The following DLGAP4 variants were observed in gnomAD, a reference collection of about 807,000 sequenced individuals.
The protein encoded by DLGAP4 is disks large-associated protein 4.
DLGAP4 carries 18 observed loss-of-function variants against 86.9 expected under a neutral mutation model. That is an observed-to-expected ratio of 0.21 (90% CI 0.14 to 0.31). The LOEUF (loss-of-function observed/expected upper bound fraction) is 0.31, where lower values mean the gene tolerates loss of function less well. Among genes scored for constraint, DLGAP4 ranks in the 10% least tolerant of loss-of-function variants. DLGAP4 has a pLI of 1.00. For missense variants in DLGAP4, 1,085 were observed against 1,362.6 expected (o/e 0.80, Z 3.21); for synonymous variants, 548 against 574.3 (o/e 0.95, Z 0.65).
chr20:36,319,565 G>T (rs1373941080), intron 1 of DLGAP4, among the ~76,000 whole-genome samples: 2 of 152,192 alleles, frequency 1.3e-5, no homozygotes, highest in Non-Finnish European at 2.9e-5. Context: ...GGCCAAGGGT[G>T]AGCACTATGG....
At chr20:36,463,964 C>T (rs763837835) in intron 7 of DLGAP4, among the ~76,000 whole-genome samples, 2 of 152,222 alleles carry the variant, frequency 1.3e-5, no homozygotes, top group Admixed American at 6.5e-5. Flanking sequence ...GGGTCCTGTT[C>T]CATGGCACTG....
intron 1 of DLGAP4, among the ~76,000 whole-genome samples, 163 bp from the exon 2 acceptor site, chr20:36,366,882 C>T (rs1450249609): frequency 1.3e-5 from 2 of 152,158 alleles, no homozygotes; most frequent in Admixed American, 1.3e-4. Context: ...AGCCGGGATG[C>T]CAGGGTGCTC....
intron 10 of DLGAP4, among the ~76,000 whole-genome samples, chr20:36,506,607 C>T (rs954868195): frequency 7.9e-5 from 12 of 152,164 alleles, no homozygotes; most frequent in African/African-American, 2.9e-4. Flanking sequence ...CTTGTCTAAA[C>T]CTGAAGAACT....
At chr20:36,343,684 C>T (rs1489593245) in intron 1 of DLGAP4, among the ~76,000 whole-genome samples, 1 of 152,192 alleles carries the variant, frequency 6.6e-6, no homozygotes, top group African/African-American at 2.4e-5. Flanking sequence ...TGCATGCACA[C>T]ACTTCACTCA....
At chr20:36,426,946 G>A (rs2032989604) in intron 2 of DLGAP4, among the ~76,000 whole-genome samples, 1 of 152,032 alleles carries the variant, frequency 6.6e-6, no homozygotes, top group South Asian at 2.1e-4. Context: ...GGGAGGCTGA[G>A]GCAGGAGTAT....
At chr20:36,390,493 C>A (rs2031747709) in intron 2 of DLGAP4, among the ~76,000 whole-genome samples, 2 of 152,168 alleles carry the variant, frequency 1.3e-5, no homozygotes, top group African/African-American at 2.4e-5. Flanking sequence ...TAACCACCTA[C>A]TGCCTGCCAC....
chr20:36,399,105 A>T (rs966779654), intron 2 of DLGAP4, among the ~76,000 whole-genome samples: 14 of 152,304 alleles, frequency 9.2e-5, no homozygotes, highest in Non-Finnish European at 1.9e-4. Flanking sequence ...AGGCACAAGA[A>T]TTTCTTGAAC....
intron 5 of DLGAP4, 71 bp from the exon 6 acceptor site, chr20:36,442,656 A>G (rs1234798919): frequency 4.5e-6 from 7 of 1,559,468 alleles, no homozygotes; most frequent in Non-Finnish European, 5.3e-6. Flanking sequence ...TTTCCTTGCA[A>G]TTGACCCTGA....
chr20:36,470,433 C>T (rs893490510), intron 7 of DLGAP4, among the ~76,000 whole-genome samples: 10 of 152,206 alleles, frequency 6.6e-5, no homozygotes, highest in African/African-American at 2.4e-4. Flanking sequence ...CCTCCCCTCC[C>T]AACCCAGGGA....
In DLGAP4 at chr20:36,528,175, C is replaced by CCCCCCCCCCCG. The variant is rs1407051942; in HGVS notation, c.*1144_*1145insCCCCCCCCCCG. 6.9e-6 allele frequency: 1 copy of CCCCCCCCCCCG among 144,842 alleles called. No homozygotes were observed. Among genetic ancestry groups the CCCCCCCCCCCG allele is most frequent in the African/African-American group, 2.8e-5 (1 of 35,956 alleles). 9.0% of individuals were successfully genotyped at this position (144,842 alleles called of 1,614,324 possible). A position where few individuals can be genotyped will look rare whatever the true frequency, so the allele number is the denominator to read the frequency against. On this transcript the variant is annotated 3_prime_UTR_variant, in exon 13 of 13. Transcript: ENST00000339266. Reference sequence around the variant, plus strand: ...TCTCCACCCCCCTCCCCCCGCCCCGCACTCCTAAGGGCCCATCTGCCCAGC... The same window carrying CCCCCCCCCCCG: ...TCTCCACCCCCCTCCCCCCGCCCCGCCCCCCCCCCCGACTCCTAAGGGCCCATCTGCCCAGC...
At chr20:36,385,128 C>G (rs1030825937) in intron 2 of DLGAP4, among the ~76,000 whole-genome samples, 11 of 152,046 alleles carry the variant, frequency 7.2e-5, no homozygotes, top group African/African-American at 2.7e-4. Context: ...TGTCTTTCCT[C>G]TCCTAGGAAT....
At chr20:36,515,141 T>G (rs969497484) in intron 10 of DLGAP4, among the ~76,000 whole-genome samples, 12 of 152,220 alleles carry the variant, frequency 7.9e-5, no homozygotes, top group African/African-American at 2.7e-4. Context: ...TTCCATTCAT[T>G]GCATGTCTGT....
intron 1 of DLGAP4, among the ~76,000 whole-genome samples, chr20:36,338,399 TA>T (rs1162103754): frequency 1.3e-4 from 20 of 150,830 alleles, no homozygotes; most frequent in African/African-American, 3.9e-4. Flanking sequence ...CTGTCTCTAC[TA>T]AAAAAAAACA....
intron 7 of DLGAP4, among the ~76,000 whole-genome samples, chr20:36,476,294 C>A (rs998980290): frequency 1.6e-4 from 24 of 150,960 alleles, no homozygotes; most frequent in Non-Finnish European, 1.5e-5. Flanking sequence ...CCCATTACCC[C>A]CTTGCCTGGT....
intron 2 of DLGAP4, among the ~76,000 whole-genome samples, chr20:36,426,788 C>T (rs148962244): frequency 4.6e-4 from 70 of 152,134 alleles, no homozygotes; most frequent in African/African-American, 1.5e-3. Flanking sequence ...TTCATAGACA[C>T]GGAAAGTATC....
intron 1 of DLGAP4, among the ~76,000 whole-genome samples, chr20:36,330,558 A>ATT (rs113329878): frequency 2.3e-5 from 3 of 131,006 alleles, no homozygotes; most frequent in East Asian, 2.3e-4. Flanking sequence ...GACTTTTGGG[A>ATT]TTTTTTTTTT....
At chr20:36,328,014 C>T (rs1197907115) in intron 1 of DLGAP4, among the ~76,000 whole-genome samples, 9 of 151,450 alleles carry the variant, frequency 5.9e-5, no homozygotes, top group Admixed American at 1.3e-4. Flanking sequence ...GCCTGGCCAA[C>T]GTGGTGAAAC....
chr20:36,412,574 T>C (rs1434402746), intron 2 of DLGAP4, among the ~76,000 whole-genome samples: 1 of 152,238 alleles, frequency 6.6e-6, no homozygotes, highest in African/African-American at 2.4e-5. Flanking sequence ...CATTTCTCTC[T>C]ATGCCTCTGT....
intron 2 of DLGAP4, among the ~76,000 whole-genome samples, chr20:36,398,526 G>A (rs932381283): frequency 3.3e-5 from 5 of 152,200 alleles, no homozygotes; most frequent in South Asian, 2.1e-4. Context: ...TAACACAGCC[G>A]TAGAGAAGAG....
Sources: allele counts gnomAD v4.1 joint callset (sites outside exome capture counted in the v4.1 genomes callset), GRCh38; gene constraint gnomAD v4.1.1; transcripts MANE v1.5; gene names NCBI Gene and HGNC (gene_info 2026-07-23, HGNC 2026-07-21).